The following ERBB4 variants were observed in gnomAD, a reference collection of about 807,000 sequenced individuals.
The protein encoded by ERBB4 is erb-b2 receptor tyrosine kinase 4.
In ERBB4, 42 loss-of-function variants were observed where a neutral mutation model predicts 158.0. The observed-to-expected ratio is 0.27, with a 90% CI of 0.21 to 0.34. ERBB4 has a LOEUF of 0.34. Ranked by LOEUF, ERBB4 falls within the 10% of genes least tolerant of loss-of-function variation. ERBB4 has a pLI of 1.00. For synonymous variants in ERBB4, 583 were observed against 558.7 expected, an observed-to-expected ratio of 1.04 and a Z score of -0.61; for missense variants, 1,333 against 1,624.1, an observed-to-expected ratio of 0.82 and a Z score of 3.08.
At chr2:212,348,972 A>C (rs1574740380) in intron 1 of ERBB4, among the ~76,000 whole-genome samples, 1 of 152,240 alleles carries the variant, frequency 6.6e-6, no homozygotes, top group East Asian at 1.9e-4. Flanking sequence ...TCTATGAAGA[A>C]AGCCAGTCTG....
chr2:212,315,820 C>CA (rs1190728653), intron 1 of ERBB4, among the ~76,000 whole-genome samples: 11 of 151,282 alleles, frequency 7.3e-5, no homozygotes, highest in Non-Finnish European at 1.6e-4. Context: ...GCATATTATA[C>CA]AAAAAACTTT....
At chr2:211,399,397 A>G (rs1198575594) in intron 25 of ERBB4, among the ~76,000 whole-genome samples, 2 of 152,222 alleles carry the variant, frequency 1.3e-5, no homozygotes, top group African/African-American at 4.8e-5. Context: ...GAGTGGCTCT[A>G]TTGATGAAAA....
intron 2 of ERBB4, among the ~76,000 whole-genome samples, chr2:212,055,629 C>A (rs2077539105): frequency 6.6e-6 from 1 of 152,240 alleles, no homozygotes; most frequent in Non-Finnish European, 1.5e-5. Flanking sequence ...GCAATATTTG[C>A]TGTTCTGCAG....
At chr2:212,070,180 T>C (rs931780992) in intron 2 of ERBB4, among the ~76,000 whole-genome samples, 6 of 151,998 alleles carry the variant, frequency 3.9e-5, no homozygotes, top group East Asian at 3.9e-4. Context: ...AAAAACTTAC[T>C]ATATATTATT....
chr2:212,239,719 G>T (rs1254091453), intron 1 of ERBB4, among the ~76,000 whole-genome samples: 3 of 152,064 alleles, frequency 2.0e-5, no homozygotes, highest in Non-Finnish European at 4.4e-5. Context: ...TTTATTAGGA[G>T]GTTTTTGTAA....
rs115692591 is a variant in ERBB4, at chr2:211,559,466, A to T, written c.2487+2437T>A. 9.8e-3 allele frequency among the ~76,000 whole-genome samples: 1,496 copies of T among 152,332 alleles called. 15 individuals are homozygous for T. Among genetic ancestry groups the T allele is most frequent in the South Asian group, 0.02 (96 of 4,830 alleles). On this transcript the variant is annotated intron_variant, in intron 20 of 27. Coordinates refer to ENST00000342788, the MANE Select transcript of ERBB4 (RefSeq NM_005235.3). ...ACTTTTCTGTGCCTGTTGTCCTGGC[A>T]TAACTAGTAATACAGTCTCCTTTCA...
chr2:212,306,140 CA>C (rs2086801184), intron 1 of ERBB4, among the ~76,000 whole-genome samples: 1 of 151,314 alleles, frequency 6.6e-6, no homozygotes, highest in Non-Finnish European at 1.5e-5. Context: ...TTATGTGCAA[CA>C]GTAGATAATA....
intron 1 of ERBB4, among the ~76,000 whole-genome samples, chr2:212,154,795 ACAGT>A (rs1373733240): frequency 6.6e-6 from 1 of 152,100 alleles, no homozygotes; most frequent in Non-Finnish European, 1.5e-5. Flanking sequence ...GAGTTAAAAA[ACAGT>A]ACTCTCTTAT....
At chr2:211,431,359 C>G (rs2063745178) in intron 20 of ERBB4, among the ~76,000 whole-genome samples, 1 of 152,074 alleles carries the variant, frequency 6.6e-6, no homozygotes, top group African/African-American at 2.4e-5. Context: ...ATTATTTTTC[C>G]AAGTGACTTG....
At chr2:211,633,005 G>A (rs1278633406) in intron 16 of ERBB4, among the ~76,000 whole-genome samples, 2 of 152,024 alleles carry the variant, frequency 1.3e-5, no homozygotes, top group African/African-American at 2.4e-5. Context: ...CAGAATTTAC[G>A]TTTGAAACAT....
intron 20 of ERBB4, among the ~76,000 whole-genome samples, chr2:211,553,737 G>A (rs570453473): frequency 5.9e-5 from 9 of 152,226 alleles, no homozygotes; most frequent in East Asian, 1.9e-4. Flanking sequence ...ATTAAAGTTC[G>A]CACAGTTAGT....
chr2:211,501,423 C>T (rs934086940), intron 20 of ERBB4, among the ~76,000 whole-genome samples: 2 of 151,056 alleles, frequency 1.3e-5, no homozygotes. Context: ...TGATCATTAC[C>T]CATATTATAT....
intron 1 of ERBB4, among the ~76,000 whole-genome samples, chr2:212,184,727 TA>T (rs2081968169): frequency 6.6e-6 from 1 of 152,168 alleles, no homozygotes; most frequent in Admixed American, 6.5e-5. Context: ...GAAATAATAA[TA>T]AAAATGTAGC....
At chr2:211,880,349 G>A (rs2078628444) in intron 3 of ERBB4, among the ~76,000 whole-genome samples, 1 of 152,130 alleles carries the variant, frequency 6.6e-6, no homozygotes, top group African/African-American at 2.4e-5. Context: ...AGTAATGTGT[G>A]TATATATCTT....
At chr2:211,987,820 A>T (rs927346423) in intron 2 of ERBB4, among the ~76,000 whole-genome samples, 115 of 152,196 alleles carry the variant, frequency 7.6e-4, no homozygotes, top group Middle Eastern at 3.2e-3. Context: ...TTCAGCCAAA[A>T]CTAACCTTTG....
Position 212,375,246 on chromosome 2 carries a change from C to T in ERBB4, c.82+163203G>A, listed in dbSNP as rs560179175. ...CCCCCAAAGTTTAGGTATGGTACTACCACAGTAATATAATTCTGCTGAATA... is the reference window on the plus strand; with the variant it reads ...CCCCCAAAGTTTAGGTATGGTACTATCACAGTAATATAATTCTGCTGAATA... On this transcript the variant is annotated intron_variant, in intron 1 of 27. Transcript: ENST00000342788. Among the ~76,000 whole-genome samples the T allele has an allele frequency of 4.2e-4, 64 of 152,154 alleles. 1 individual carries two copies. The Middle Eastern group carries it at 0.01, about 24-fold the overall frequency.
intron 1 of ERBB4, among the ~76,000 whole-genome samples, chr2:212,249,617 CAG>C (rs921186787): frequency 1.4e-4 from 22 of 151,848 alleles, no homozygotes; most frequent in African/African-American, 5.3e-4. Flanking sequence ...ATGTTTTAAA[CAG>C]AGAAAAGTTA....
rs192469567 is a variant in ERBB4, at chr2:212,514,011, T to C, written c.82+24438A>G. On this transcript the variant is annotated intron_variant, in intron 1 of 27. Coordinates refer to ENST00000342788, the MANE Select transcript of ERBB4 (RefSeq NM_005235.3). The stretch of plus-strand genomic sequence containing the variant: ...ATTCCTAATAAGAAGTGGTCTTAAA[T>C]AGCTCCAAGTCATCTAAATTTCATA... 9.2e-4 allele frequency among the ~76,000 whole-genome samples: 140 copies of C among 152,226 alleles called. 1 individual carries two copies. Among genetic ancestry groups the C allele is most frequent in the African/African-American group, 3.2e-3 (134 of 41,534 alleles).
chr2:211,743,749 C>T (rs2074871074), intron 5 of ERBB4, among the ~76,000 whole-genome samples: 1 of 152,174 alleles, frequency 6.6e-6, no homozygotes, highest in Admixed American at 6.5e-5. Flanking sequence ...CATTAATCCA[C>T]TAAATCAATT....
Sources: gnomAD v4.1 joint callset for allele counts (sites outside exome capture counted in the v4.1 genomes callset) on GRCh38, gnomAD v4.1.1 for gene constraint, MANE v1.5 for transcripts, NCBI Gene and HGNC (gene_info 2026-07-23, HGNC 2026-07-21) for gene names.